CSMD3: variants seen among roughly 807,000 people sequenced by gnomAD.
The protein encoded by CSMD3 is CUB and sushi domain-containing protein 3.
CSMD3 carries 177 observed loss-of-function variants against 435.2 expected under a neutral mutation model. The observed-to-expected ratio is 0.41, with a 90% CI of 0.36 to 0.46. The LOEUF is 0.46. Ranked by LOEUF, CSMD3 falls within the 20% of genes least tolerant of loss-of-function variation. The pLI is 0.34. For synonymous variants in CSMD3, 1,656 were observed against 1,520.5 expected, an observed-to-expected ratio of 1.09 and a Z score of -2.07; for missense variants, 4,265 against 4,504.6, an observed-to-expected ratio of 0.95 and a Z score of 1.52.
intron 50 of CSMD3, among the ~76,000 whole-genome samples, chr8:112,309,414 T>A (rs995241066): frequency 6.6e-6 from 1 of 151,770 alleles, no homozygotes; most frequent in Non-Finnish European, 1.5e-5. Context: ...ACAATTAAAA[T>A]TCAGAGCATG....
chr8:112,406,363 C>T (rs913634317), intron 35 of CSMD3, among the ~76,000 whole-genome samples, 161 bp downstream of exon 35: 1 of 151,874 alleles, frequency 6.6e-6, no homozygotes, highest in Non-Finnish European at 1.5e-5. Flanking sequence ...ACAATTGCAA[C>T]AAATCTCCAC....
At chr8:112,288,086 C>G (rs184387237) in intron 57 of CSMD3, among the ~76,000 whole-genome samples, 1 of 151,728 alleles carries the variant, frequency 6.6e-6, no homozygotes, top group Non-Finnish European at 1.5e-5. Context: ...AATGTTCTTT[C>G]CATTTGTCCT....
At chr8:113,036,817 C>A (rs2087373053) in intron 5 of CSMD3, among the ~76,000 whole-genome samples, 1 of 152,046 alleles carries the variant, frequency 6.6e-6, no homozygotes, top group African/African-American at 2.4e-5. Flanking sequence ...ATTTATTAAT[C>A]CTGATTTATG....
In CSMD3 at chr8:113,053,223, T is replaced by A. The variant is rs563232187; in HGVS notation, c.918-34044A>T. On this transcript the variant is annotated intron_variant, in intron 5 of 70. Coordinates refer to ENST00000297405, the MANE Select transcript of CSMD3 (RefSeq NM_198123.2). ...ATATCTCCCTTTGTCCTTCCATAATTATGCTTTTGTTCTTCCTAGCTACAG... is the reference window on the plus strand; with the variant it reads ...ATATCTCCCTTTGTCCTTCCATAATAATGCTTTTGTTCTTCCTAGCTACAG... Among the ~76,000 whole-genome samples the A allele has an allele frequency of 3.2e-4, 49 of 152,288 alleles. 1 individual carries two copies. The South Asian group carries it at 9.7e-3, about 30-fold the overall frequency.
intron 10 of CSMD3, among the ~76,000 whole-genome samples, chr8:112,912,502 A>G (rs773991192): frequency 6.6e-6 from 1 of 151,944 alleles, no homozygotes; most frequent in Non-Finnish European, 1.5e-5. Context: ...GGAAAACTGC[A>G]TATCCACATG....
chr8:112,680,656 C>T (rs929448861), intron 16 of CSMD3, among the ~76,000 whole-genome samples: 2 of 151,962 alleles, frequency 1.3e-5, no homozygotes, highest in African/African-American at 4.8e-5. Context: ...CTAGTTCTGC[C>T]CACCTGATAT....
At chr8:113,164,409 T>C (rs1178048613) in intron 4 of CSMD3, among the ~76,000 whole-genome samples, 1 of 146,816 alleles carries the variant, frequency 6.8e-6, no homozygotes, top group Non-Finnish European at 1.5e-5. Flanking sequence ...GGTCAAAATA[T>C]AAGGAATTAG....
chr8:112,320,009 C>T (rs2130867901), intron 45 of CSMD3, 28 bp from the exon 46 acceptor site: 2 of 1,452,636 alleles, frequency 1.4e-6, no homozygotes, highest in Non-Finnish European at 1.9e-6. Context: ...GTGTTTATTC[C>T]TTTTCTGTGC....
At chr8:113,186,438 T>G (rs1447213129) in intron 3 of CSMD3, among the ~76,000 whole-genome samples, 2 of 152,126 alleles carry the variant, frequency 1.3e-5, no homozygotes, top group East Asian at 3.9e-4. Context: ...AACAGGATGT[T>G]GTACATTTAC....
chr8:113,161,419 T>C (rs2092037048), intron 4 of CSMD3, among the ~76,000 whole-genome samples: 1 of 152,136 alleles, frequency 6.6e-6, no homozygotes, highest in Non-Finnish European at 1.5e-5. Context: ...TAATACCTAA[T>C]TGATAAGTTT....
chr8:112,334,711 G>T (rs1442771929), intron 45 of CSMD3, among the ~76,000 whole-genome samples: 3 of 152,146 alleles, frequency 2.0e-5, no homozygotes, highest in African/African-American at 7.2e-5. Context: ...GAAACCTTCT[G>T]AATGTCCTTT....
At chr8:112,655,927 A>G (rs1039318245) in intron 18 of CSMD3, among the ~76,000 whole-genome samples, 1 of 151,986 alleles carries the variant, frequency 6.6e-6, no homozygotes, top group Admixed American at 6.6e-5. Context: ...GATGCTTCTG[A>G]TATTTCTTTA....
At chr8:113,285,842 T>C (rs1303403445) in intron 2 of CSMD3, among the ~76,000 whole-genome samples, 5 of 152,220 alleles carry the variant, frequency 3.3e-5, no homozygotes, top group African/African-American at 1.2e-4. Flanking sequence ...TGTAAACTCA[T>C]ACTAATGAAT....
At chr8:112,356,917 C>G (rs988396912) in intron 38 of CSMD3, among the ~76,000 whole-genome samples, 1 of 152,030 alleles carries the variant, frequency 6.6e-6, no homozygotes, top group African/African-American at 2.4e-5. Context: ...TCAGGTATGT[C>G]TTTATCAGCA....
At chr8:112,640,196 A>C (rs2074784360) in intron 20 of CSMD3, among the ~76,000 whole-genome samples, 2 of 152,150 alleles carry the variant, frequency 1.3e-5, no homozygotes, top group Non-Finnish European at 2.9e-5. Flanking sequence ...TCACACAAAC[A>C]CACACACTCA....
At chr8:113,244,505 G>C (rs546012202) in intron 3 of CSMD3, among the ~76,000 whole-genome samples, 1 of 151,922 alleles carries the variant, frequency 6.6e-6, no homozygotes, top group East Asian at 1.9e-4. Context: ...TAGTAGAGAC[G>C]GGGTTTCACC....
intron 31 of CSMD3, among the ~76,000 whole-genome samples, chr8:112,480,165 C>T (rs950779403): frequency 6.6e-6 from 1 of 152,202 alleles, no homozygotes; most frequent in African/African-American, 2.4e-5. Context: ...GGGTTTCAGA[C>T]TTGTGTGGAG....
At chr8:113,234,787 T>C (rs1328721385) in intron 3 of CSMD3, among the ~76,000 whole-genome samples, 2 of 152,138 alleles carry the variant, frequency 1.3e-5, no homozygotes, top group Non-Finnish European at 2.9e-5. Context: ...GGTGTATCTA[T>C]GGAATGAAAA....
At chr8:112,365,383 A>T (rs1016037303) in intron 38 of CSMD3, among the ~76,000 whole-genome samples, 1 of 152,000 alleles carries the variant, frequency 6.6e-6, no homozygotes, top group Non-Finnish European at 1.5e-5. Context: ...ATTAGGGTGA[A>T]GACACAAATT....
Sources: gnomAD v4.1 joint callset for allele counts (sites outside exome capture counted in the v4.1 genomes callset) on GRCh38, gnomAD v4.1.1 for gene constraint, MANE v1.5 for transcripts, NCBI Gene and HGNC (gene_info 2026-07-23, HGNC 2026-07-21) for gene names.